The following VMP1 variants were observed in gnomAD, a reference collection of about 807,000 sequenced individuals.
VMP1 encodes the protein vacuole membrane protein 1.
A neutral mutation model predicts 56.0 loss-of-function variants in VMP1; 11 were observed. The observed-to-expected ratio is 0.20, with a 90% CI of 0.12 to 0.32. The LOEUF is 0.32. Ranked by LOEUF, VMP1 falls within the 10% of genes least tolerant of loss-of-function variation. VMP1 has a pLI of 1.00. For synonymous variants in VMP1, 149 were observed against 165.0 expected (o/e 0.90, Z 0.74); for missense variants, 296 against 490.3 (o/e 0.60, Z 3.74).
At chr17:59,802,985 A>G (rs921282562) in intron 7 of VMP1, among the ~76,000 whole-genome samples, 2 of 152,110 alleles carry the variant, frequency 1.3e-5, no homozygotes, top group African/African-American at 2.4e-5. Context: ...ACCTCTGGTG[A>G]TCCACCCGCC....
chr17:59,761,535 C>A (rs2036054928), intron 5 of VMP1, among the ~76,000 whole-genome samples: 1 of 152,138 alleles, frequency 6.6e-6, no homozygotes, highest in Non-Finnish European at 1.5e-5. Flanking sequence ...CTGTTAGGGT[C>A]AGACTAGAGT....
Position 59,838,387 on chromosome 17 carries a change from G to C in VMP1, c.1067G>C (p.Gly356Ala), listed in dbSNP as rs752433943. Residue 356 changes from glycine (G) to alanine (A), a missense_variant, in exon 11 of 12, where the codon GGC (glycine) becomes GCC (alanine). Gly to Ala is a moderately conservative substitution (Grantham distance 60, BLOSUM62 0). Coordinates refer to ENST00000262291, the MANE Select transcript of VMP1 (RefSeq NM_030938.5). The part of the protein sequence containing the change: ...RQKLHHKSEM[G>A]TPQGENWLSW... ...AAGCTTCACCACAAAAGCGAAATGGGCACACCACAGGTAAGACTTTAATCC... is the reference window on the plus strand; with the variant it reads ...AAGCTTCACCACAAAAGCGAAATGGCCACACCACAGGTAAGACTTTAATCC... The C allele has an allele frequency of 6.2e-7, 1 of 1,614,064 alleles. No homozygotes were observed. The highest frequency in any genetic ancestry group is 1.3e-5 in the African/African-American group (1 of 75,014).
chr17:59,806,287 A>C (rs1000302536), intron 7 of VMP1, among the ~76,000 whole-genome samples: 4 of 152,204 alleles, frequency 2.6e-5, no homozygotes, highest in Non-Finnish European at 5.9e-5. Flanking sequence ...CTGATTGATT[A>C]TATATTCTTA....
At chr17:59,715,365 G>A (rs1431657056) in intron 1 of VMP1, among the ~76,000 whole-genome samples, 1 of 152,178 alleles carries the variant, frequency 6.6e-6, no homozygotes, top group African/African-American at 2.4e-5. Flanking sequence ...CATGGTGGTA[G>A]GGGAAACAGG....
chr17:59,824,832 C>A (rs2038586323), intron 10 of VMP1, among the ~76,000 whole-genome samples: 1 of 142,526 alleles, frequency 7.0e-6, no homozygotes, highest in African/African-American at 2.6e-5. Flanking sequence ...GAGATTGCGC[C>A]ACTGCACTCC....
chr17:59,757,455 T>C (rs1464649715), intron 5 of VMP1, among the ~76,000 whole-genome samples: 3 of 152,174 alleles, frequency 2.0e-5, no homozygotes, highest in Non-Finnish European at 4.4e-5. Context: ...ACTTTTCTAA[T>C]CACTAAAACT....
Position 59,827,954 on chromosome 17 carries a change from G to A in VMP1, c.974+10181G>A, listed in dbSNP as rs577443384. Among the ~76,000 whole-genome samples the A allele has an allele frequency of 1.6e-3, 248 of 150,998 alleles. 2 individuals carry two copies. The highest frequency in any genetic ancestry group is 2.3e-3 in the Non-Finnish European group (159 of 67,742). On this transcript the variant is annotated intron_variant, in intron 10 of 11. Transcript: ENST00000262291. Reference sequence around the variant, plus strand: ...GTTCCCAAAAAAAAGCTGCCACTGGGGCCAGGTGCAGTGCCACTCGCCTGT... The same window carrying A: ...GTTCCCAAAAAAAAGCTGCCACTGGAGCCAGGTGCAGTGCCACTCGCCTGT...
intron 7 of VMP1, among the ~76,000 whole-genome samples, chr17:59,774,473 C>G (rs536697698): frequency 5.9e-5 from 9 of 152,110 alleles, no homozygotes; most frequent in African/African-American, 2.2e-4. Flanking sequence ...TCTATAGTGG[C>G]CCTTTCCTCC....
chr17:59,725,551 CAA>C (rs78026893), intron 1 of VMP1, among the ~76,000 whole-genome samples: 27 of 112,412 alleles, frequency 2.4e-4, no homozygotes, highest in East Asian at 4.6e-4. Flanking sequence ...GTCAAAATGC[CAA>C]AAAAAAAAAA....
intron 9 of VMP1, 129 bp downstream of exon 9, chr17:59,811,915 T>TTAGTG: frequency 1.5e-6 from 1 of 654,556 alleles, no homozygotes; most frequent in South Asian, 2.0e-5. Flanking sequence ...ACTTAGGTAA[T>TTAGTG]ACCACATAGA....
intron 7 of VMP1, among the ~76,000 whole-genome samples, chr17:59,801,309 G>A (rs2144174041): frequency 6.6e-6 from 1 of 151,730 alleles, no homozygotes; most frequent in South Asian, 2.1e-4. Context: ...GCAGGGGTGT[G>A]ATCACCGCCC....
intron 7 of VMP1, among the ~76,000 whole-genome samples, chr17:59,781,217 T>C (rs1568134392): frequency 6.6e-6 from 1 of 152,156 alleles, no homozygotes; most frequent in Non-Finnish European, 1.5e-5. Context: ...CAATCATGAA[T>C]TTGTTTTAGG....
At chr17:59,726,801 T>C (rs1388178245) in intron 1 of VMP1, among the ~76,000 whole-genome samples, 2 of 152,248 alleles carry the variant, frequency 1.3e-5, no homozygotes, top group Non-Finnish European at 2.9e-5. Context: ...TTGTTGTTAT[T>C]GTTTTGTAAT....
At chr17:59,714,875 TC>T (rs1382148780) in intron 1 of VMP1, among the ~76,000 whole-genome samples, 1 of 151,920 alleles carries the variant, frequency 6.6e-6, no homozygotes, top group East Asian at 1.9e-4. Flanking sequence ...AGGGATGGGG[TC>T]TTGTTATGTT....
chr17:59,817,857 T>C, intron 10 of VMP1, 84 bp downstream of exon 10: 1 of 1,088,088 alleles, frequency 9.2e-7, no homozygotes, highest in Non-Finnish European at 1.3e-6. Flanking sequence ...TGAAATAGAA[T>C]TTTTGACATA....
intron 1 of VMP1, among the ~76,000 whole-genome samples, chr17:59,730,177 C>A (rs957159619): frequency 1.3e-5 from 2 of 152,088 alleles, no homozygotes; most frequent in Non-Finnish European, 2.9e-5. Flanking sequence ...CTTTTTATTA[C>A]TGAGTTGTAA....
chr17:59,777,673 G>A (rs1013436001), intron 7 of VMP1, among the ~76,000 whole-genome samples: 4 of 152,066 alleles, frequency 2.6e-5, no homozygotes, highest in African/African-American at 7.2e-5. Flanking sequence ...AATTAGCTGG[G>A]TGTGGTCGTA....
At chr17:59,732,625 G>T (rs973265913) in intron 2 of VMP1, among the ~76,000 whole-genome samples, 1 of 152,180 alleles carries the variant, frequency 6.6e-6, no homozygotes, top group African/African-American at 2.4e-5. Flanking sequence ...TTGGTTGTCA[G>T]TAAACTTGGC....
At chr17:59,758,154 T>G (rs569301942) in intron 5 of VMP1, among the ~76,000 whole-genome samples, 843 of 152,250 alleles carry the variant, frequency 5.5e-3, no homozygotes, top group Non-Finnish European at 7.9e-3. Context: ...TTTGCCACTT[T>G]AAGATGTACT....
Sources: gnomAD v4.1 joint callset for allele counts (sites outside exome capture counted in the v4.1 genomes callset) on GRCh38, gnomAD v4.1.1 for gene constraint, MANE v1.5 for transcripts, NCBI Gene and HGNC (gene_info 2026-07-23, HGNC 2026-07-21) for gene names.